Variants in STRN observed in about 807,000 individuals in gnomAD.
STRN encodes protein phosphatase 2 regulatory subunit B'''alpha.
In STRN, 53 loss-of-function variants were observed where a neutral mutation model predicts 96.3. The ratio of observed to expected loss-of-function variants is 0.55; its 90% CI spans 0.44 to 0.69. The LOEUF (loss-of-function observed/expected upper bound fraction) is 0.69. Ranked by LOEUF, STRN falls within the 30% of genes least tolerant of loss-of-function variation. The pLI is 0.00. For synonymous variants in STRN, 428 were observed against 355.9 expected (o/e 1.20, Z -2.28); for missense variants, 987 against 963.9 (o/e 1.02, Z -0.32).
intron 10 of STRN, among the ~76,000 whole-genome samples, chr2:36,875,659 A>T (rs1572639449): frequency 7.0e-6 from 1 of 142,492 alleles, no homozygotes; most frequent in African/African-American, 2.6e-5. Flanking sequence ...AATAGAAATG[A>T]TTTTTTTTTT....
intron 12 of STRN, among the ~76,000 whole-genome samples, chr2:36,861,539 C>A (rs925680011): frequency 6.6e-6 from 1 of 151,870 alleles, no homozygotes; most frequent in Non-Finnish European, 1.5e-5. Context: ...CAAAACAAAA[C>A]AAAAAACAAG....
intron 6 of STRN, among the ~76,000 whole-genome samples, chr2:36,894,422 C>T (rs1669486106): frequency 6.6e-6 from 1 of 152,154 alleles, no homozygotes; most frequent in Admixed American, 6.5e-5. Context: ...CAGAGTACAT[C>T]TAACTTAGAT....
At chr2:36,943,116 A>T (rs148731727) in intron 1 of STRN, among the ~76,000 whole-genome samples, 1 of 152,184 alleles carries the variant, frequency 6.6e-6, no homozygotes, top group Admixed American at 6.5e-5. Flanking sequence ...AATGCTCAAA[A>T]AGAGAGTTCA....
At chr2:36,858,068 C>T (rs1328901724) in intron 13 of STRN, 45 bp from the exon 14 acceptor site, 1 of 1,492,088 alleles carries the variant, frequency 6.7e-7, no homozygotes, top group Admixed American at 2.1e-5. Context: ...AAAACAACCA[C>T]AAAGGTACTT....
At chr2:36,916,409 C>G (rs1248297321) in intron 2 of STRN, among the ~76,000 whole-genome samples, 2 of 150,366 alleles carry the variant, frequency 1.3e-5, no homozygotes, top group African/African-American at 2.5e-5. Context: ...TCTGTAATAA[C>G]AAAATGAACG....
intron 2 of STRN, among the ~76,000 whole-genome samples, chr2:36,917,679 G>A (rs1670145808): frequency 6.6e-6 from 1 of 151,884 alleles, no homozygotes; most frequent in African/African-American, 2.4e-5. Context: ...TTTAGACAGA[G>A]AGGAATTCTA....
intron 13 of STRN, among the ~76,000 whole-genome samples, chr2:36,859,590 T>G (rs1045155007): frequency 3.9e-5 from 6 of 152,208 alleles, no homozygotes; most frequent in African/African-American, 1.4e-4. Flanking sequence ...CTTAAAGATG[T>G]ATGAGTCAAC....
At chr2:36,923,395 A>C (rs200885635) in intron 2 of STRN, among the ~76,000 whole-genome samples, 15 of 147,758 alleles carry the variant, frequency 1.0e-4, no homozygotes, top group Admixed American at 8.8e-4. Context: ...AGGTTGCAGT[A>C]AGCCGAGATC....
chr2:36,944,976 G>A (rs1670941899), intron 1 of STRN, among the ~76,000 whole-genome samples: 1 of 152,208 alleles, frequency 6.6e-6, no homozygotes, highest in South Asian at 2.1e-4. Context: ...AGTCATTCTG[G>A]AAAGCAATGT....
chr2:36,944,255 G>A (rs1308455728), intron 1 of STRN, among the ~76,000 whole-genome samples: 1 of 151,908 alleles, frequency 6.6e-6, no homozygotes, highest in Non-Finnish European at 1.5e-5. Context: ...CAGATATAAC[G>A]AAAAAACGTT....
chr2:36,880,445 A>C (rs1430124211), intron 9 of STRN, among the ~76,000 whole-genome samples: 1 of 152,254 alleles, frequency 6.6e-6, no homozygotes, highest in Non-Finnish European at 1.5e-5. Context: ...GTCTTTAAAA[A>C]AAATTTAAAA....
At chr2:36,946,148 T>C (rs527786091) in intron 1 of STRN, among the ~76,000 whole-genome samples, 20 of 152,198 alleles carry the variant, frequency 1.3e-4, no homozygotes, top group East Asian at 3.9e-4. Context: ...GATTTTTTTC[T>C]ACCTAAATAT....
chr2:36,916,864 G>C (rs577450028), intron 2 of STRN, among the ~76,000 whole-genome samples: 1 of 152,048 alleles, frequency 6.6e-6, no homozygotes, highest in African/African-American at 2.4e-5. Flanking sequence ...TTAACCATGA[G>C]ACTAGAAAAA....
Position 36,869,578 on chromosome 2 carries a change from A to T in STRN, c.1475T>A (p.Leu492Ter). 6.3e-7 allele frequency: 1 copy of T among 1,579,302 alleles called. No homozygotes were observed. The highest frequency in any genetic ancestry group is 8.6e-7 in the Non-Finnish European group (1 of 1,162,828). ...SEDHTLKMWN[L>*]QKTAPAKKST... is the part of the protein sequence containing the mutation. ...CTTTTTGGCTGGGGCTGTTTTCTGT[A>T]AATTCCACATTTTTAATGTGTGATC... The change falls in exon 11 of 18, where the codon TTA becomes TAA. Residue 492 changes from leucine (L) to a stop codon, truncating the protein, a stop_gained. Transcript: ENST00000263918. LOFTEE classifies it high-confidence loss of function.
At chr2:36,944,773 G>T (rs1026637426) in intron 1 of STRN, among the ~76,000 whole-genome samples, 10 of 152,190 alleles carry the variant, frequency 6.6e-5, no homozygotes, top group African/African-American at 2.4e-4. Flanking sequence ...GTTCAGAGAG[G>T]AGGAAACCCA....
At chr2:36,917,222 T>A (rs538115607) in intron 2 of STRN, among the ~76,000 whole-genome samples, 67 of 151,818 alleles carry the variant, frequency 4.4e-4, no homozygotes, top group African/African-American at 1.5e-3. Context: ...GGTTTTTTCA[T>A]AATTTAAGAA....
chr2:36,853,472 C>G lies in STRN; in HGVS notation c.1978+1740G>C, dbSNP rs576716302. Reference sequence around the variant, plus strand: ...ATTGAAATCAAATCATGGAAACAGGCAAAAGAAAGTTCTTATTTGGTAACA... The same window carrying G: ...ATTGAAATCAAATCATGGAAACAGGGAAAAGAAAGTTCTTATTTGGTAACA... On this transcript the variant is annotated intron_variant, in intron 15 of 17. Transcript: ENST00000263918. 3.3e-5 allele frequency among the ~76,000 whole-genome samples: 5 copies of G among 152,232 alleles called. No individual in the cohort carries two copies. The East Asian group carries it at 9.6e-4, about 29-fold the overall frequency.
At chr2:36,905,456 G>A in intron 4 of STRN, 84 bp downstream of exon 4, 1 of 1,222,024 alleles carries the variant, frequency 8.2e-7, no homozygotes, top group Non-Finnish European at 1.2e-6. Flanking sequence ...ATATTCATCT[G>A]ACTTGAAAAT....
intron 2 of STRN, among the ~76,000 whole-genome samples, chr2:36,917,764 A>G (rs193276691): frequency 2.6e-5 from 4 of 152,226 alleles, no homozygotes; most frequent in Non-Finnish European, 5.9e-5. Context: ...AGTATTTTTT[A>G]TAACAGTCTT....
Sources: allele counts gnomAD v4.1 joint callset (sites outside exome capture counted in the v4.1 genomes callset), GRCh38; gene constraint gnomAD v4.1.1; transcripts MANE v1.5; gene names NCBI Gene and HGNC (gene_info 2026-07-23, HGNC 2026-07-21).